The following MACF1 variants were observed in gnomAD, a reference collection of about 807,000 sequenced individuals.
MACF1 encodes microtubule actin crosslinking factor 1.
MACF1 carries 193 observed loss-of-function variants against 854.8 expected under a neutral mutation model. The ratio of observed to expected loss-of-function variants is 0.23; its 90% CI spans 0.20 to 0.25. The LOEUF (loss-of-function observed/expected upper bound fraction) is 0.25. MACF1 is among the 10% of genes least tolerant of loss of function. The pLI is 1.00. For missense variants in MACF1, 7,722 were observed against 8,929.1 expected (o/e 0.86, Z 5.45); for synonymous variants, 3,185 against 3,226.7 (o/e 0.99, Z 0.44).
intron 93 of MACF1, 87 bp from the exon 94 acceptor site, chr1:39,463,525 C>T: frequency 1.2e-6 from 1 of 869,024 alleles, no homozygotes; most frequent in Non-Finnish European, 1.9e-6. Flanking sequence ...TGAATAGCCT[C>T]CCTGTTAATG....
Position 39,283,607 on chromosome 1 carries a change from C to A in MACF1, c.915+92C>A. The stretch of plus-strand genomic sequence containing the variant: ...CACTTTCTTAAGCACTTATGGTATA[C>A]TCATGGTATCAAACTATATATCCAG... On this transcript the variant is annotated intron_variant, in intron 9 of 100. Coordinates refer to ENST00000564288, the MANE Select transcript of MACF1 (RefSeq NM_001394062.1). The surrounding 1 kb of genome is among the most constrained non-coding windows in gnomAD (Gnocchi z 4.5). 1.2e-6 allele frequency: 1 copy of A among 850,520 alleles called. No individual in the cohort carries two copies. The highest frequency in any genetic ancestry group is 2.0e-6 in the Non-Finnish European group (1 of 509,528). 52.7% of individuals were successfully genotyped at this position (850,520 alleles called of 1,614,324 possible).
intron 2 of MACF1, among the ~76,000 whole-genome samples, chr1:39,177,638 A>G (rs531271934): frequency 6.6e-5 from 10 of 152,148 alleles, no homozygotes; most frequent in East Asian, 3.9e-4. Context: ...GGAAGGTAGG[A>G]CTGTAATCTC....
chr1:39,441,732 G>C (rs1644122372), intron 74 of MACF1, among the ~76,000 whole-genome samples: 1 of 152,036 alleles, frequency 6.6e-6, no homozygotes, highest in Admixed American at 6.6e-5. Flanking sequence ...CCAAATTGTA[G>C]TTTATTTTGA....
intron 2 of MACF1, among the ~76,000 whole-genome samples, chr1:39,111,743 G>C (rs1010459737): frequency 1.2e-4 from 19 of 152,100 alleles, no homozygotes; most frequent in African/African-American, 4.3e-4. Flanking sequence ...TCTCGAACTA[G>C]CTTCAAGCCA....
At chr1:39,349,824 A>G (rs928877216) in intron 42 of MACF1, among the ~76,000 whole-genome samples, 197 bp downstream of exon 42, 1 of 152,176 alleles carries the variant, frequency 6.6e-6, no homozygotes, top group African/African-American at 2.4e-5. Flanking sequence ...GAGATGGGGT[A>G]TCACTATGTT....
At position 39,088,118 on chromosome 1, in the gene MACF1, G is replaced by A. The variant is rs531150363; in HGVS notation, c.220+3680G>A. 6.6e-5 allele frequency among the ~76,000 whole-genome samples: 10 copies of A among 152,212 alleles called. No homozygotes were observed. In the South Asian group the frequency reaches 1.5e-3, roughly 22 times the overall value. On this transcript the variant is annotated intron_variant, in intron 2 of 93. Coordinates refer to the MACF1 transcript ENST00000361689. ...CTCCTGAGCAGCTGGGACTACAGGC[G>A]CCTGCCACCTTGCCCGGCTAATTTT...
intron 58 of MACF1, among the ~76,000 whole-genome samples, chr1:39,403,803 G>A (rs1642575522): frequency 6.7e-6 from 1 of 150,282 alleles, no homozygotes; most frequent in South Asian, 2.1e-4. Context: ...AGTTGAGTGA[G>A]CATCCCGTCC....
intron 2 of MACF1, among the ~76,000 whole-genome samples, chr1:39,161,994 T>TC (rs1236081908): frequency 6.6e-6 from 1 of 151,664 alleles, no homozygotes; most frequent in Non-Finnish European, 1.5e-5. Flanking sequence ...GCTGGGGGTT[T>TC]CAAGGCTGGA....
chr1:39,233,794 T>TA (rs1328542259), intron 2 of MACF1, among the ~76,000 whole-genome samples: 2 of 92,020 alleles, frequency 2.2e-5, no homozygotes, highest in East Asian at 3.1e-4. Flanking sequence ...TTTTTTTTTT[T>TA]TTTATTTATT....
At chr1:39,310,769 A>G (rs1646283982) in intron 25 of MACF1, 62 bp from the exon 26 acceptor site, 2 of 1,465,058 alleles carry the variant, frequency 1.4e-6, no homozygotes, top group Non-Finnish European at 1.8e-6. Context: ...CATTAGTAGG[A>G]TATCAGGTCT....
At chr1:39,464,681 G>A (rs534756335) in intron 94 of MACF1, 58 of 180,282 alleles carry the variant, frequency 3.2e-4, no homozygotes, top group Admixed American at 1.6e-3. Flanking sequence ...GTAGAGAGGC[G>A]AGCGAGCGGA....
chr1:39,475,247 A>T (rs1419541256), intron 97 of MACF1, among the ~76,000 whole-genome samples: 2 of 152,194 alleles, frequency 1.3e-5, no homozygotes, highest in Non-Finnish European at 2.9e-5. Flanking sequence ...ATAAGCAGTG[A>T]AACACCATGG....
Position 39,282,155 on chromosome 1 carries a change from A to G in MACF1, c.529-53A>G, listed in dbSNP as rs138801706. 3,258 of 1,584,992 alleles carry G rather than the reference A, an allele frequency of 2.1e-3. 7 individuals are homozygous for G. The highest frequency in any genetic ancestry group is 3.0e-3 in the Middle Eastern group (15 of 5,058). ...CATAATGTATGGAGAAGAGAAGGCT[A>G]AAAGACTTTGTCTTATTTATAATGA... On this transcript the variant is annotated intron_variant, in intron 6 of 100. Transcript: ENST00000564288.
intron 6 of MACF1, among the ~76,000 whole-genome samples, chr1:39,267,518 G>C (rs573952280): frequency 7.2e-5 from 11 of 152,340 alleles, no homozygotes; most frequent in African/African-American, 2.6e-4. Flanking sequence ...ATAGGCGTGA[G>C]CCACTGCGCC....
chr1:39,272,464 C>T (rs1050746420), intron 6 of MACF1, among the ~76,000 whole-genome samples: 4 of 152,214 alleles, frequency 2.6e-5, no homozygotes, highest in African/African-American at 9.6e-5. Flanking sequence ...CACACCAACT[C>T]CTGTCTAAAC....
At chr1:39,366,831 A>G (rs924685266) in intron 49 of MACF1, among the ~76,000 whole-genome samples, 1 of 151,060 alleles carries the variant, frequency 6.6e-6, no homozygotes, top group African/African-American at 2.4e-5. Flanking sequence ...TTTAGTAGAG[A>G]CAGGGTTTCA....
At chr1:39,446,032 A>G (rs898744708) in intron 80 of MACF1, among the ~76,000 whole-genome samples, 1 of 152,256 alleles carries the variant, frequency 6.6e-6, no homozygotes, top group Non-Finnish European at 1.5e-5. Flanking sequence ...AAGATTAAAT[A>G]AACTGAGACA....
intron 60 of MACF1, among the ~76,000 whole-genome samples, chr1:39,423,527 C>T (rs1410753642): frequency 1.3e-5 from 2 of 148,482 alleles, no homozygotes; most frequent in African/African-American, 2.5e-5. Context: ...CCCAGCTACT[C>T]GGGAGGCTGA....
chr1:39,235,278 T>C (rs1310559811), intron 2 of MACF1, among the ~76,000 whole-genome samples: 3 of 152,198 alleles, frequency 2.0e-5, no homozygotes, highest in South Asian at 2.1e-4. Context: ...CCGAGGCTGG[T>C]GGATCACTTG....
Sources: gnomAD v4.1 joint callset for allele counts (sites outside exome capture counted in the v4.1 genomes callset) on GRCh38, gnomAD v4.1.1 for gene constraint, Gnocchi (gnomAD v3.1) non-coding constraint, MANE v1.5 for transcripts, NCBI Gene and HGNC (gene_info 2026-07-23, HGNC 2026-07-21) for gene names.